The following PPP2R3A variants were observed in gnomAD, a reference collection of about 807,000 sequenced individuals.
PPP2R3A encodes serine/threonine-protein phosphatase 2A regulatory subunit B'' subunit alpha.
Under a neutral mutation model 106.9 loss-of-function variants are expected in PPP2R3A, and 80 were observed. That is an observed-to-expected ratio of 0.75 (90% confidence interval 0.62 to 0.90). PPP2R3A has a LOEUF of 0.90. Ranked by LOEUF, PPP2R3A falls within the 40% of genes least tolerant of loss-of-function variation. The pLI is 0.00. For synonymous variants in PPP2R3A, 483 were observed against 468.3 expected (o/e 1.03, Z -0.41); for missense variants, 1,386 against 1,350.4 (o/e 1.03, Z -0.41).
rs1414774950 is a variant in PPP2R3A, at chr3:136,003,284, G to A, written c.1786G>A (p.Glu596Lys). ...TCGAGCCCTCTTACTGCGAATCCTG[G>A]AAAGCATTGAAGACTTTGCTCAAGA... ...EDRALLLRIL[E>K]SIEDFAQELV... The change falls in exon 2 of 14, where the codon GAA becomes AAA. Residue 596 changes from glutamate (E) to lysine (K), a missense_variant. Physicochemically the swap from Glu to Lys is moderately conservative, Grantham distance 56. Transcript: ENST00000264977. 2.5e-6 allele frequency: 4 copies of A among 1,613,766 alleles called. No homozygotes were observed. The highest frequency in any genetic ancestry group is 3.4e-6 in the Non-Finnish European group (4 of 1,179,922).
intron 12 of PPP2R3A, 140 bp from the exon 13 acceptor site, chr3:136,106,076 T>C: frequency 2.9e-6 from 2 of 686,976 alleles, no homozygotes; most frequent in Non-Finnish European, 4.8e-6. Context: ...AGTTTTACCT[T>C]AGCACCTCTT....
intron 5 of PPP2R3A, among the ~76,000 whole-genome samples, chr3:136,049,866 C>A (rs968668625): frequency 6.6e-6 from 1 of 152,132 alleles, no homozygotes; most frequent in African/African-American, 2.4e-5. Flanking sequence ...CCTGATTCTT[C>A]AACCCAAGAT....
intron 1 of PPP2R3A, among the ~76,000 whole-genome samples, chr3:135,985,065 G>A (rs1937588708): frequency 6.6e-6 from 1 of 152,142 alleles, no homozygotes; most frequent in South Asian, 2.1e-4. Context: ...AATTATGGGA[G>A]CTACAATATG....
intron 13 of PPP2R3A, among the ~76,000 whole-genome samples, chr3:136,114,976 C>T (rs1338102269): frequency 6.6e-6 from 1 of 152,186 alleles, no homozygotes; most frequent in Admixed American, 6.5e-5. Flanking sequence ...GACTGGGAGA[C>T]ACCTCCCAGT....
chr3:135,997,474 A>G (rs1018149979), intron 1 of PPP2R3A, among the ~76,000 whole-genome samples: 1 of 152,120 alleles, frequency 6.6e-6, no homozygotes, highest in African/African-American at 2.4e-5. Flanking sequence ...TCCTCAGTCC[A>G]GAGCTCCCCT....
chr3:136,055,141 C>T, intron 5 of PPP2R3A: 1 of 714,760 alleles, frequency 1.4e-6, no homozygotes. Flanking sequence ...CTCAAAGATT[C>T]CTTTTAGGCT....
intron 13 of PPP2R3A, among the ~76,000 whole-genome samples, chr3:136,143,246 T>C (rs1234899845): frequency 6.6e-6 from 1 of 152,166 alleles, no homozygotes; most frequent in Non-Finnish European, 1.5e-5. Context: ...CCCAGCACTT[T>C]GGGAGGCTGA....
At chr3:136,106,129 C>G (rs1559923477) in intron 12 of PPP2R3A, 87 bp from the exon 13 acceptor site, 1 of 1,072,284 alleles carries the variant, frequency 9.3e-7, no homozygotes, top group Non-Finnish European at 1.4e-6. Context: ...AGGATTTTTT[C>G]AGCAGTATAC....
intron 4 of PPP2R3A, among the ~76,000 whole-genome samples, chr3:136,047,356 A>C (rs748332012): frequency 1.3e-5 from 2 of 152,230 alleles, no homozygotes; most frequent in Non-Finnish European, 2.9e-5. Flanking sequence ...TGTTCAATGA[A>C]GCACTGTTCA....
chr3:136,083,610 T>C (rs1936848480), intron 8 of PPP2R3A, among the ~76,000 whole-genome samples: 1 of 152,208 alleles, frequency 6.6e-6, no homozygotes, highest in African/African-American at 2.4e-5. Flanking sequence ...GCTGTAAAGA[T>C]ACCCGAAAAT....
chr3:136,136,977 C>G (rs180915974), intron 13 of PPP2R3A, among the ~76,000 whole-genome samples: 2 of 152,254 alleles, frequency 1.3e-5, no homozygotes, highest in Non-Finnish European at 2.9e-5. Flanking sequence ...ACAAAGTGAT[C>G]ACAGCATACA....
intron 13 of PPP2R3A, among the ~76,000 whole-genome samples, chr3:136,108,388 G>A (rs1359273735): frequency 1.3e-5 from 2 of 152,078 alleles, no homozygotes; most frequent in Non-Finnish European, 2.9e-5. Flanking sequence ...AAAACGGGAT[G>A]AGGAAGAAGA....
In PPP2R3A at chr3:136,003,052, T is replaced by C. The variant is rs1269183137; in HGVS notation, c.1554T>C (p.Ser518=). ...ATAAATTGTTAATGGATTTGGAATC[T>C]TTTTCACAGAAGATGGAGACCTCTC... The part of the protein sequence containing the change: ...EIDKLLMDLE[S]FSQKMETSLR... The change falls in exon 2 of 14, where the codon TCT becomes TCC. Residue 518 remains serine (S), a synonymous_variant. Transcript: ENST00000264977. 6.2e-7 allele frequency: 1 copy of C among 1,612,204 alleles called. No individual in the cohort carries two copies. The highest frequency in any genetic ancestry group is 1.1e-5 in the South Asian group (1 of 90,484).
At position 136,001,478 on chromosome 3, in the gene PPP2R3A, C is replaced by T. The variant is rs940475301; in HGVS notation, c.-21C>T. The T allele has an allele frequency of 1.3e-6, 2 of 1,593,190 alleles. No homozygotes were observed. The highest frequency in any genetic ancestry group is 1.7e-6 in the Non-Finnish European group (2 of 1,166,426). On this transcript the variant is annotated 5_prime_UTR_variant, in exon 2 of 14. Coordinates refer to ENST00000264977, the MANE Select transcript of PPP2R3A (RefSeq NM_002718.5). ...AAGTTCTAGAAAGTTCCAAGTCCCA[C>T]CAGTAAGTGGATTTGATATTATGGC...
At chr3:136,078,962 C>A (rs1340932135) in intron 7 of PPP2R3A, among the ~76,000 whole-genome samples, 1 of 152,182 alleles carries the variant, frequency 6.6e-6, no homozygotes, top group Non-Finnish European at 1.5e-5. Flanking sequence ...GTATTGACCA[C>A]TAGTGGGAGC....
chr3:136,130,473 A>G (rs535669375), intron 13 of PPP2R3A, among the ~76,000 whole-genome samples: 150 of 152,354 alleles, frequency 9.8e-4, no homozygotes, highest in Middle Eastern at 3.4e-3. Flanking sequence ...GACCTCTTCA[A>G]GGAGAACTAC....
chr3:136,048,326 G>A lies in PPP2R3A; in HGVS notation c.2367-933G>A, dbSNP rs1223922802. On this transcript the variant is annotated intron_variant, in intron 4 of 13. Coordinates refer to ENST00000264977, the MANE Select transcript of PPP2R3A (RefSeq NM_002718.5). ...AAGTGCAGGAATGGTAAGAGAAGGG[G>A]ACATGAGCAGGTAGGATCAGATTCT... Among the ~76,000 whole-genome samples the A allele has an allele frequency of 2.6e-5, 4 of 152,144 alleles. No individual in the cohort carries two copies. In the East Asian group the frequency reaches 7.7e-4, roughly 29 times the overall value.
At chr3:135,975,596 A>G (rs1383205310) in intron 1 of PPP2R3A, among the ~76,000 whole-genome samples, 1 of 152,216 alleles carries the variant, frequency 6.6e-6, no homozygotes, top group African/African-American at 2.4e-5. Context: ...TAATAGTGCT[A>G]TGAAGAAAAT....
At chr3:136,126,192 G>C (rs969249943) in intron 13 of PPP2R3A, among the ~76,000 whole-genome samples, 1 of 152,214 alleles carries the variant, frequency 6.6e-6, no homozygotes, top group African/African-American at 2.4e-5. Context: ...GGAAGCACAA[G>C]GGGTTGGGGG....
Sources: gnomAD v4.1 joint callset for allele counts (sites outside exome capture counted in the v4.1 genomes callset) on GRCh38, gnomAD v4.1.1 for gene constraint, MANE v1.5 for transcripts, NCBI Gene and HGNC (gene_info 2026-07-23, HGNC 2026-07-21) for gene names.